DTNBP1: variants seen among roughly 807,000 people sequenced by gnomAD.
The protein encoded by DTNBP1 is dysbindin.
In DTNBP1, 35 loss-of-function variants were observed where a neutral mutation model predicts 42.8. That is an observed-to-expected ratio of 0.82 (90% CI 0.63 to 1.09). The LOEUF is 1.09. Ranked by LOEUF, DTNBP1 falls within the 50% of genes least tolerant of loss-of-function variation. DTNBP1 has a pLI of 0.00. For synonymous variants in DTNBP1, 171 were observed against 162.2 expected (o/e 1.05, Z -0.41); for missense variants, 457 against 424.2 (o/e 1.08, Z -0.68).
At chr6:15,637,677 TA>T in intron 4 of DTNBP1, 66 bp downstream of exon 4, 2 of 1,519,856 alleles carry the variant, frequency 1.3e-6, no homozygotes, top group Non-Finnish European at 1.8e-6. Flanking sequence ...ATTCAATTTT[TA>T]AAAAATACCA....
At chr6:15,531,105 G>A (rs577544234) in intron 8 of DTNBP1, among the ~76,000 whole-genome samples, 1 of 152,294 alleles carries the variant, frequency 6.6e-6, no homozygotes, top group East Asian at 1.9e-4. Context: ...ATAGGGAGAA[G>A]GGGGCCGTCT....
At chr6:15,639,448 G>A (rs1760213684) in intron 3 of DTNBP1, among the ~76,000 whole-genome samples, 3 of 152,118 alleles carry the variant, frequency 2.0e-5, no homozygotes, top group Admixed American at 6.5e-5. Context: ...AGTTCATACT[G>A]CCTCCCCTCA....
chr6:15,633,053 T>C (rs1302846733), intron 4 of DTNBP1, among the ~76,000 whole-genome samples: 2 of 152,242 alleles, frequency 1.3e-5, no homozygotes, highest in African/African-American at 4.8e-5. Flanking sequence ...AACATCATAA[T>C]TGTTAGAAAT....
chr6:15,569,829 T>G (rs973360833), intron 7 of DTNBP1, among the ~76,000 whole-genome samples: 4 of 152,226 alleles, frequency 2.6e-5, no homozygotes, highest in Non-Finnish European at 5.9e-5. Context: ...AGTCTCAGAC[T>G]TAATAGTCAC....
chr6:15,561,180 A>ATCCCTCTG (rs1182660208), intron 7 of DTNBP1, among the ~76,000 whole-genome samples: 3 of 152,212 alleles, frequency 2.0e-5, no homozygotes, highest in Non-Finnish European at 4.4e-5. Context: ...ATGCAAGCTC[A>ATCCCTCTG]GAAGAAACAA....
At chr6:15,531,215 T>TG (rs1313235894) in intron 8 of DTNBP1, among the ~76,000 whole-genome samples, 1 of 152,136 alleles carries the variant, frequency 6.6e-6, no homozygotes, top group Non-Finnish European at 1.5e-5. Flanking sequence ...TGTCTGCTGT[T>TG]GAAGTCACCC....
chr6:15,587,894 G>A lies in DTNBP1; in HGVS notation c.511+5165C>T, dbSNP rs1776145477. Reference sequence around the variant, plus strand: ...GCCCTCACACACTGCTGATAGGAACGTAAAATGGTACAGCCATTTTAGAAA... The same window carrying A: ...GCCCTCACACACTGCTGATAGGAACATAAAATGGTACAGCCATTTTAGAAA... On this transcript the variant is annotated intron_variant, in intron 7 of 9. Transcript: ENST00000344537. This position sits in a 1 kb window ranked among gnomAD's most constrained non-coding sequence, Gnocchi z 4.1. Among the ~76,000 whole-genome samples the A allele has an allele frequency of 6.6e-6, 1 of 152,166 alleles. No individual in the cohort carries two copies. The highest frequency in any genetic ancestry group is 1.5e-5 in the Non-Finnish European group (1 of 68,022).
At chr6:15,606,828 G>A (rs772352844) in intron 6 of DTNBP1, among the ~76,000 whole-genome samples, 1 of 152,090 alleles carries the variant, frequency 6.6e-6, no homozygotes, top group Non-Finnish European at 1.5e-5. Flanking sequence ...TAAAAAGGAA[G>A]AAGGTTTATT....
At chr6:15,662,465 G>A (rs1761702362) in intron 1 of DTNBP1, among the ~76,000 whole-genome samples, 2 of 152,210 alleles carry the variant, frequency 1.3e-5, no homozygotes, top group Admixed American at 1.3e-4. Context: ...GGGGGCGGAA[G>A]CGGTGAGGCG....
chr6:15,536,519 T>C (rs1029154757), intron 7 of DTNBP1, among the ~76,000 whole-genome samples: 1 of 152,246 alleles, frequency 6.6e-6, no homozygotes, highest in Non-Finnish European at 1.5e-5. Flanking sequence ...TTCCACATGC[T>C]GTTAGGCCTG....
At chr6:15,523,576 T>TA (rs34782642) in intron 9 of DTNBP1, 236,065 of 1,235,594 alleles carry the variant, frequency 0.19, 4,371 homozygotes, top group Middle Eastern at 0.25. Context: ...TTTTTTTTTT[T>TA]ACCCTTTGCA....
chr6:15,565,477 T>A (rs1356032136), intron 7 of DTNBP1, among the ~76,000 whole-genome samples: 1 of 152,200 alleles, frequency 6.6e-6, no homozygotes, highest in African/African-American at 2.4e-5. Context: ...AATATATCCA[T>A]ACGATGGGTA....
intron 7 of DTNBP1, among the ~76,000 whole-genome samples, chr6:15,555,513 A>G (rs1774463498): frequency 6.6e-6 from 1 of 152,166 alleles, no homozygotes; most frequent in African/African-American, 2.4e-5. Flanking sequence ...AACCCACCAA[A>G]TCCAAGATGG....
intron 6 of DTNBP1, among the ~76,000 whole-genome samples, chr6:15,594,888 T>C (rs1303736567): frequency 6.6e-6 from 1 of 152,184 alleles, no homozygotes; most frequent in Non-Finnish European, 1.5e-5. Context: ...AGAATAATGA[T>C]TTCACAGACA....
intron 7 of DTNBP1, among the ~76,000 whole-genome samples, chr6:15,569,118 T>C (rs1349192777): frequency 6.6e-6 from 1 of 152,196 alleles, no homozygotes; most frequent in African/African-American, 2.4e-5. Context: ...TTGACCCACT[T>C]CCTTGTAACC....
rs530334831 is a variant in DTNBP1 at position 15,554,939 on chromosome 6, T to C, written c.512-21544A>G. On this transcript the variant is annotated intron_variant, in intron 7 of 9. Coordinates refer to ENST00000344537, the MANE Select transcript of DTNBP1 (RefSeq NM_032122.5). ...CGAAAACCGCAAAAGGGAGAAGCAG[T>C]GTCTGGTGGTTGGTTGAAATCAGCG... Among the ~76,000 whole-genome samples the C allele has an allele frequency of 2.6e-5, 4 of 151,750 alleles. No homozygotes were observed. The East Asian group carries it at 5.8e-4, about 22-fold the overall frequency.
At chr6:15,637,388 T>A (rs934695370) in intron 4 of DTNBP1, among the ~76,000 whole-genome samples, 8 of 152,202 alleles carry the variant, frequency 5.3e-5, no homozygotes, top group African/African-American at 1.7e-4. Flanking sequence ...AAGGAATTCT[T>A]AAATAGTGTA....
chr6:15,568,263 G>C (rs1775185705), intron 7 of DTNBP1, among the ~76,000 whole-genome samples: 2 of 152,180 alleles, frequency 1.3e-5, no homozygotes, highest in South Asian at 2.1e-4. Context: ...TTATTACTGA[G>C]AGAATTTTAG....
At chr6:15,568,795 A>G (rs1775210574) in intron 7 of DTNBP1, among the ~76,000 whole-genome samples, 2 of 152,246 alleles carry the variant, frequency 1.3e-5, no homozygotes. Context: ...TTGTGAGAAT[A>G]TAGCATATTA....
Sources: allele counts gnomAD v4.1 joint callset (sites outside exome capture counted in the v4.1 genomes callset), GRCh38; gene constraint gnomAD v4.1.1; non-coding constraint Gnocchi (gnomAD v3.1); transcripts MANE v1.5; gene names NCBI Gene and HGNC (gene_info 2026-07-23, HGNC 2026-07-21).